VGLL1: variants seen among roughly 807,000 people sequenced by gnomAD.
The protein encoded by VGLL1 is transcription cofactor vestigial-like protein 1.
VGLL1 carries 4 observed loss-of-function variants against 12.0 expected under a neutral mutation model. The ratio of observed to expected loss-of-function variants is 0.33; its 90% CI spans 0.16 to 0.76. The LOEUF is 0.76. Among genes scored for constraint, VGLL1 ranks in the 30% least tolerant of loss-of-function variants. VGLL1 has a pLI of 0.60. For missense variants in VGLL1, 204 were observed against 208.7 expected (o/e 0.98, Z 0.14); for synonymous variants, 87 against 81.2 (o/e 1.07, Z -0.39).
At chrX:136,540,670 G>A (rs1046614908) in intron 2 of VGLL1, among the ~76,000 whole-genome samples, 1 of 111,877 alleles carries the variant, frequency 8.9e-6, no homozygotes, top group African/African-American at 3.3e-5. Flanking sequence ...TGGCAGTAGG[G>A]ACTCAATCTG....
At position 136,551,070 on chromosome X, in the gene VGLL1, A is replaced by G; in HGVS notation, c.688+249A>G. On this transcript the variant is annotated intron_variant, in intron 4 of 4. Transcript: ENST00000370634. ...TTTTGCTATAGAAGAAACTCTCCTT[A>G]GTTTCTTTTTTCTTTTCTTTCTTTC... 1.9e-5 allele frequency: 6 copies of G among 314,384 alleles called. No homozygotes were observed. The South Asian group carries it at 6.4e-4, about 33-fold the overall frequency. The allele number at this position is 314,384 out of a possible 1,213,427, so 25.9% of individuals were successfully genotyped here.
At chrX:136,537,691 C>A (rs1260043097) in intron 2 of VGLL1, among the ~76,000 whole-genome samples, 3 of 110,621 alleles carry the variant, frequency 2.7e-5, no homozygotes, top group Non-Finnish European at 5.7e-5. Context: ...TCGCAAGTAG[C>A]TAGAATTACA....
rs373903958 is a variant in VGLL1 at position 136,549,100 on chromosome X, G to A, written c.634+92G>A. On this transcript the variant is annotated intron_variant, in intron 3 of 4. Transcript: ENST00000370634. ...ATGAGATGAGGTGCCAAGACTAATT[G>A]CTGCCACTCTGGACATAGGGCTGCT... 8.9e-5 allele frequency: 85 copies of A among 950,476 alleles called. 1 individual carries two copies. In the African/African-American group the frequency reaches 1.3e-3, roughly 15 times the overall value. The allele number at this position is 950,476 out of a possible 1,213,427, so 78.3% of individuals were successfully genotyped here.
intron 2 of VGLL1, among the ~76,000 whole-genome samples, chrX:136,540,788 C>T (rs986890517): frequency 1.8e-5 from 2 of 111,128 alleles, no homozygotes; most frequent in African/African-American, 6.6e-5. Flanking sequence ...GGTGTTGACC[C>T]TACAGATGGG....
rs908743776 is a variant in VGLL1, at chrX:136,548,059, G to C, written c.215-530G>C. ...TCTGTTGCCCAGGCTGGAGTGAAGT[G>C]GAGCAATCTCGGCCTACTGCAACAT... On this transcript the variant is annotated intron_variant, in intron 2 of 4. Coordinates refer to ENST00000370634, the MANE Select transcript of VGLL1 (RefSeq NM_016267.4). Among the ~76,000 whole-genome samples the C allele has an allele frequency of 2.7e-5, 3 of 111,103 alleles. No individual in the cohort carries two copies. In the Admixed American group the frequency reaches 2.9e-4, roughly 11 times the overall value.
chrX:136,543,388 A>C (rs777432830), intron 2 of VGLL1, among the ~76,000 whole-genome samples: 2 of 111,895 alleles, frequency 1.8e-5, no homozygotes, highest in Admixed American at 1.9e-4. Flanking sequence ...GCAGAGAGGG[A>C]AAGTCAACGC....
intron 2 of VGLL1, among the ~76,000 whole-genome samples, chrX:136,540,285 C>T (rs558882989): frequency 1.8e-5 from 2 of 111,420 alleles, no homozygotes; most frequent in South Asian, 3.8e-4. Context: ...TCTGGGCCCC[C>T]GTTGTCTTAC....
At chrX:136,551,244 C>A (rs1176641046) in intron 4 of VGLL1, among the ~76,000 whole-genome samples, 1 of 109,406 alleles carries the variant, frequency 9.1e-6, no homozygotes, top group African/African-American at 3.3e-5. Context: ...TTTTTTTTAA[C>A]CTGAGCTGGA....
At chrX:136,549,756 G>A (rs746633142) in intron 3 of VGLL1, among the ~76,000 whole-genome samples, 1 of 111,570 alleles carries the variant, frequency 9.0e-6, no homozygotes, top group Admixed American at 9.5e-5. Flanking sequence ...TAAAAGGACG[G>A]GGAAGAATTG....
intron 2 of VGLL1, among the ~76,000 whole-genome samples, chrX:136,545,770 G>A (rs935825186): frequency 3.1e-4 from 35 of 111,543 alleles, no homozygotes; most frequent in African/African-American, 9.8e-4. Flanking sequence ...GCCTGAAGAT[G>A]TTTTCTAGAG....
intron 2 of VGLL1, among the ~76,000 whole-genome samples, chrX:136,545,900 A>G (rs1186278379): frequency 2.7e-5 from 3 of 111,308 alleles, no homozygotes; most frequent in Non-Finnish European, 5.7e-5. Flanking sequence ...GGAAATGGAG[A>G]CCAGCTCTCT....
intron 2 of VGLL1, among the ~76,000 whole-genome samples, chrX:136,546,702 T>C (rs1759385804): frequency 8.9e-6 from 1 of 112,571 alleles, no homozygotes; most frequent in Non-Finnish European, 1.9e-5. Flanking sequence ...AACTGCCTAG[T>C]TGTCAGGGGC....
intron 4 of VGLL1, 83 bp downstream of exon 4, chrX:136,550,904 G>T (rs973201646): frequency 1.2e-6 from 1 of 866,468 alleles, no homozygotes; most frequent in African/African-American, 2.0e-5. Context: ...TCTACTACTG[G>T]AGACACTGGT....
intron 3 of VGLL1, 171 bp from the exon 4 acceptor site, chrX:136,550,597 G>C (rs2075882909): frequency 2.5e-6 from 1 of 405,391 alleles, no homozygotes; most frequent in Non-Finnish European, 4.2e-6. Flanking sequence ...GAAGGTGGTG[G>C]ACCTTTAAAA....
intron 2 of VGLL1, among the ~76,000 whole-genome samples, chrX:136,542,439 T>C (rs754350437): frequency 8.9e-6 from 1 of 112,028 alleles, no homozygotes; most frequent in Admixed American, 9.4e-5. Flanking sequence ...GACAGGCAAA[T>C]CTAACCTATG....
intron 2 of VGLL1, among the ~76,000 whole-genome samples, chrX:136,545,025 G>A (rs1333150388): frequency 8.9e-5 from 10 of 112,345 alleles, no homozygotes; most frequent in African/African-American, 2.6e-4. Context: ...CTGAAATGAT[G>A]AATAATAACA....
intron 1 of VGLL1, among the ~76,000 whole-genome samples, chrX:136,535,456 T>A (rs1227373982): frequency 8.9e-6 from 1 of 111,916 alleles, no homozygotes; most frequent in Admixed American, 9.4e-5. Context: ...TAGGACACAG[T>A]CTTACATAGA....
intron 1 of VGLL1, among the ~76,000 whole-genome samples, chrX:136,532,581 CTT>C (rs1302872769): frequency 2.0e-4 from 2 of 9,997 alleles, no homozygotes; most frequent in Non-Finnish European, 3.8e-4. Flanking sequence ...ATATTTCTTT[CTT>C]TCTTTCTTTC....
At chrX:136,540,901 T>C (rs1282616207) in intron 2 of VGLL1, among the ~76,000 whole-genome samples, 3 of 112,036 alleles carry the variant, frequency 2.7e-5, no homozygotes, top group Non-Finnish European at 3.8e-5. Flanking sequence ...TCTCCAGACA[T>C]ATCACTTCTC....
Sources: allele counts gnomAD v4.1 joint callset (sites outside exome capture counted in the v4.1 genomes callset), GRCh38; gene constraint gnomAD v4.1.1; transcripts MANE v1.5; gene names NCBI Gene and HGNC (gene_info 2026-07-23, HGNC 2026-07-21).